Variants in CPED1 observed in about 807,000 individuals in gnomAD.
CPED1 encodes the protein cadherin-like and PC-esterase domain-containing protein 1.
CPED1 carries 114 observed loss-of-function variants against 128.2 expected under a neutral mutation model. The observed-to-expected ratio is 0.89, with a 90% confidence interval of 0.76 to 1.04. The LOEUF is 1.04. Ranked by LOEUF, CPED1 falls within the 50% of genes least tolerant of loss-of-function variation. The probability of loss-of-function intolerance (pLI) is 0.00; values close to 1 mark genes in which losing one functional copy is unlikely to be tolerated. For synonymous variants in CPED1, 462 were observed against 426.7 expected (o/e 1.08, Z -1.02); for missense variants, 1,211 against 1,207.1 (o/e 1.00, Z -0.05).
chr7:121,097,753 A>G lies in CPED1; in HGVS notation c.671A>G (p.Lys224Arg). The G allele has an allele frequency of 6.2e-7, 1 of 1,613,904 alleles. No individual in the cohort carries two copies. Among genetic ancestry groups the G allele is most frequent in the South Asian group, 1.1e-5 (1 of 91,086 alleles). ...SVCLDQGMQLKPSTSSHLLKT... is the reference protein window; with the variant it reads ...SVCLDQGMQLRPSTSSHLLKT... Reference sequence around the variant, plus strand: ...TGTCTGGATCAGGGAATGCAATTAAAGCCGAGTACTTCGAGTCACCTTTTA... The same window carrying G: ...TGTCTGGATCAGGGAATGCAATTAAGGCCGAGTACTTCGAGTCACCTTTTA... The change falls in exon 6 of 23, where the codon AAG (lysine) becomes AGG (arginine). Residue 224 changes from lysine to arginine, a missense_variant. By Grantham distance (26) the Lys-to-Arg change is conservative (BLOSUM62 2). Coordinates refer to ENST00000310396, the MANE Select transcript of CPED1 (RefSeq NM_024913.5).
rs187358694 is a variant in CPED1 at position 121,289,570 on chromosome 7, A to T, written c.2869-5870A>T. ...CCAAATAGATATCATGTGATTTTTT[A>T]AAAAATACTCAATTTTGTTTATATG... On this transcript the variant is annotated intron_variant, in intron 22 of 22. Coordinates refer to ENST00000310396, the MANE Select transcript of CPED1 (RefSeq NM_024913.5). Among the ~76,000 whole-genome samples the T allele has an allele frequency of 8.5e-3, 1,289 of 152,262 alleles. 18 individuals are homozygous for T. The highest frequency in any genetic ancestry group is 0.028 in the African/African-American group (1,158 of 41,562).
At chr7:121,158,784 G>C (rs907594618) in intron 16 of CPED1, among the ~76,000 whole-genome samples, 5 of 151,982 alleles carry the variant, frequency 3.3e-5, no homozygotes, top group Admixed American at 6.6e-5. Flanking sequence ...AGAAACGATA[G>C]TCATTTTCTA....
chr7:121,092,481 G>GAA (rs888927056), intron 5 of CPED1, among the ~76,000 whole-genome samples: 1 of 151,466 alleles, frequency 6.6e-6, no homozygotes, highest in Non-Finnish European at 1.5e-5. Flanking sequence ...ATTCAGTGGA[G>GAA]AAAAAAAAAT....
intron 7 of CPED1, among the ~76,000 whole-genome samples, chr7:121,119,226 C>T (rs1795323860): frequency 2.6e-5 from 3 of 117,568 alleles, no homozygotes; most frequent in African/African-American, 6.0e-5. Context: ...ATAGGACAAT[C>T]TAAAAAAGAT....
chr7:121,262,733 C>CT (rs536436836), intron 18 of CPED1, among the ~76,000 whole-genome samples: 29 of 152,082 alleles, frequency 1.9e-4, no homozygotes, highest in African/African-American at 6.7e-4. Context: ...TGCAAATTTC[C>CT]TTTTTAAAAA....
chr7:121,077,250 T>G (rs1794152194), intron 5 of CPED1, among the ~76,000 whole-genome samples: 1 of 152,184 alleles, frequency 6.6e-6, no homozygotes, highest in African/African-American at 2.4e-5. Flanking sequence ...TTCTTTTTCT[T>G]TCCTGTATCC....
In CPED1 at chr7:121,143,132, A is replaced by G. The variant is rs572094726; in HGVS notation, c.2055+991A>G. 1.3e-4 allele frequency among the ~76,000 whole-genome samples: 20 copies of G among 152,182 alleles called. No individual in the cohort carries two copies. The East Asian group carries it at 2.5e-3, about 19-fold the overall frequency. ...TCACTAATTTAGGAATTACCACTAA[A>G]TCAAATGGAATTTCACATTAGTCTG... On this transcript the variant is annotated intron_variant, in intron 16 of 22. Coordinates refer to ENST00000310396, the MANE Select transcript of CPED1 (RefSeq NM_024913.5).
At chr7:121,290,653 T>A (rs1178201714) in intron 22 of CPED1, among the ~76,000 whole-genome samples, 1 of 152,206 alleles carries the variant, frequency 6.6e-6, no homozygotes, top group East Asian at 1.9e-4. Context: ...TTGATGGGGT[T>A]GTTTTGTTCT....
intron 3 of CPED1, among the ~76,000 whole-genome samples, chr7:121,032,121 A>C (rs1792748955): frequency 1.3e-5 from 2 of 152,194 alleles, no homozygotes; most frequent in African/African-American, 2.4e-5. Context: ...TTAAGCCAAC[A>C]ATCTTATTCT....
At chr7:121,150,404 A>G (rs1349731940) in intron 16 of CPED1, among the ~76,000 whole-genome samples, 1 of 151,912 alleles carries the variant, frequency 6.6e-6, no homozygotes, top group Non-Finnish European at 1.5e-5. Flanking sequence ...ATGGCTGTGT[A>G]GTATTCCGCA....
chr7:120,993,275 A>C (rs1266411731), intron 2 of CPED1, among the ~76,000 whole-genome samples: 1 of 152,236 alleles, frequency 6.6e-6, no homozygotes, highest in Non-Finnish European at 1.5e-5. Flanking sequence ...GAAGCAATGA[A>C]AGAAAATCTC....
In CPED1 at chr7:121,119,156, G is replaced by A. The variant is rs1446674224; in HGVS notation, c.919-5175G>A. 2.0e-5 allele frequency among the ~76,000 whole-genome samples: 3 copies of A among 149,782 alleles called. No homozygotes were observed. In the East Asian group the frequency reaches 5.9e-4, roughly 29 times the overall value. ...AGAACTTTTTTTTTTTTAACTTAGA[G>A]CCATACGGTCACTGAAATTCTAAAG... On this transcript the variant is annotated intron_variant, in intron 7 of 22. Transcript: ENST00000310396.
chr7:121,016,445 G>GTGGCAGATTCCATGCTATA (rs1358679758), intron 3 of CPED1, among the ~76,000 whole-genome samples: 5 of 152,240 alleles, frequency 3.3e-5, no homozygotes, highest in African/African-American at 1.2e-4. Context: ...ACAAGTAACT[G>GTGGCAGATTCCATGCTATA]TGGCAGATTC....
At chr7:121,251,983 C>A (rs1439617671) in intron 18 of CPED1, among the ~76,000 whole-genome samples, 1 of 151,454 alleles carries the variant, frequency 6.6e-6, no homozygotes, top group African/African-American at 2.4e-5. Context: ...CATATGGAAC[C>A]AAAAAAGAGC....
At chr7:121,239,927 T>C (rs1161504093) in intron 17 of CPED1, among the ~76,000 whole-genome samples, 1 of 152,230 alleles carries the variant, frequency 6.6e-6, no homozygotes, top group Non-Finnish European at 1.5e-5. Flanking sequence ...TGTTCAAATA[T>C]ATAACATAGA....
chr7:121,219,054 A>T (rs1374166725), intron 16 of CPED1, among the ~76,000 whole-genome samples: 1 of 152,046 alleles, frequency 6.6e-6, no homozygotes, highest in South Asian at 2.1e-4. Flanking sequence ...CAAAGTAGTA[A>T]CACACAGATC....
chr7:121,204,045 C>T (rs1473874336), intron 16 of CPED1, among the ~76,000 whole-genome samples: 1 of 151,990 alleles, frequency 6.6e-6, no homozygotes, highest in South Asian at 2.1e-4. Context: ...AAGGAGAGAT[C>T]CACCCAAGTC....
chr7:121,160,329 A>G (rs1205978494), intron 16 of CPED1, among the ~76,000 whole-genome samples: 4 of 152,120 alleles, frequency 2.6e-5, no homozygotes, highest in Non-Finnish European at 5.9e-5. Context: ...ATCTTAGTAA[A>G]AGAAGGCCTC....
At chr7:121,123,117 A>G (rs566497836) in intron 7 of CPED1, among the ~76,000 whole-genome samples, 8 of 152,320 alleles carry the variant, frequency 5.3e-5, no homozygotes, top group Admixed American at 3.3e-4. Context: ...TTTTCTTTCA[A>G]TCATACAATT....
Sources: allele counts gnomAD v4.1 joint callset (sites outside exome capture counted in the v4.1 genomes callset), GRCh38; gene constraint gnomAD v4.1.1; transcripts MANE v1.5; gene names NCBI Gene and HGNC (gene_info 2026-07-23, HGNC 2026-07-21).